The following NRP1 variants were observed in gnomAD, a reference collection of about 807,000 sequenced individuals.
The protein encoded by NRP1 is neuropilin 1, also known as neuropilin-1.
A neutral mutation model predicts 106.7 loss-of-function variants in NRP1; 35 were observed. The observed-to-expected ratio is 0.33, with a 90% CI of 0.25 to 0.43. The LOEUF (loss-of-function observed/expected upper bound fraction) is 0.43. Among genes scored for constraint, NRP1 ranks in the 20% least tolerant of loss-of-function variants. NRP1 has a pLI of 1.00. For missense variants in NRP1, 1,024 were observed against 1,170.4 expected (o/e 0.87, Z 1.83); for synonymous variants, 437 against 417.9 (o/e 1.05, Z -0.56).
chr10:33,205,985 T>C (rs1016069058), intron 10 of NRP1: 1 of 242,158 alleles, frequency 4.1e-6, no homozygotes, highest in Non-Finnish European at 8.5e-6. Context: ...CTCCTAAAGT[T>C]AGTTTGGCCT....
rs1406719701 is a variant in NRP1 at position 33,177,716 on chromosome 10, C to T, written c.*2360G>A. ...ATAATTTCTGTAAAAAAAATCTGCACAAAATCTTATGATGGTACAAAACAT... is the reference window on the plus strand; with the variant it reads ...ATAATTTCTGTAAAAAAAATCTGCATAAAATCTTATGATGGTACAAAACAT... On this transcript the variant is annotated 3_prime_UTR_variant, in exon 17 of 17. Coordinates refer to ENST00000374867, the MANE Select transcript of NRP1 (RefSeq NM_003873.7). 6.6e-6 allele frequency: 1 copy of T among 152,414 alleles called. No homozygotes were observed. Among genetic ancestry groups the T allele is most frequent in the Admixed American group, 6.6e-5 (1 of 15,262 alleles). The allele number at this position is 152,414 out of a possible 1,614,324, so 9.4% of individuals were successfully genotyped here. A position where few individuals can be genotyped will look rare whatever the true frequency, so the allele number is the denominator to read the frequency against.
chr10:33,221,543 G>C (rs1472850888), intron 8 of NRP1, among the ~76,000 whole-genome samples, 176 bp downstream of exon 8: 1 of 152,200 alleles, frequency 6.6e-6, no homozygotes, highest in African/African-American at 2.4e-5. Flanking sequence ...CTGCTAGTGA[G>C]TAGTAAGGCA....
intron 7 of NRP1, among the ~76,000 whole-genome samples, chr10:33,222,531 A>G (rs1231464167): frequency 8.8e-6 from 1 of 113,112 alleles, no homozygotes; most frequent in Non-Finnish European, 1.9e-5. Flanking sequence ...TTATTTATTT[A>G]TTTATTTAAG....
chr10:33,261,571 G>A (rs950147288), intron 4 of NRP1, among the ~76,000 whole-genome samples: 3 of 152,132 alleles, frequency 2.0e-5, no homozygotes, highest in Non-Finnish European at 4.4e-5. Context: ...AAAGAGCAAA[G>A]AAGATATTAA....
intron 4 of NRP1, among the ~76,000 whole-genome samples, chr10:33,263,031 T>C (rs989703659): frequency 5.3e-5 from 8 of 152,212 alleles, no homozygotes; most frequent in Admixed American, 3.3e-4. Context: ...TATGAATGCA[T>C]AGGTCAATGA....
rs1217717094 is a variant in NRP1, at chr10:33,221,870, G to A, written c.1138-7C>T. The A allele has an allele frequency of 6.3e-7, 1 of 1,598,196 alleles. No individual in the cohort carries two copies. ...TGGTGTTTCCCTGAAAGAGCTGTAT[G>A]GGGAAAAAAAGTGCCTTTCTTTAGC... On this transcript the variant is annotated splice_polypyrimidine_tract_variant and splice_region_variant and intron_variant, in intron 7 of 16. Transcript: ENST00000374867.
chr10:33,250,559 G>T (rs2269084), intron 6 of NRP1, among the ~76,000 whole-genome samples: 1 of 151,972 alleles, frequency 6.6e-6, no homozygotes, highest in East Asian at 1.9e-4. Flanking sequence ...TCATAAAATA[G>T]GCTTGAAAGT....
At chr10:33,298,429 G>A (rs1189960141) in intron 2 of NRP1, among the ~76,000 whole-genome samples, 1 of 152,174 alleles carries the variant, frequency 6.6e-6, no homozygotes, top group African/African-American at 2.4e-5. Context: ...CAGCCTGGAA[G>A]ACGATGGGCC....
intron 8 of NRP1, 69 bp downstream of exon 8, chr10:33,221,650 G>A (rs1436183686): frequency 6.7e-7 from 1 of 1,490,950 alleles, no homozygotes; most frequent in East Asian, 2.3e-5. Context: ...TGTATTTAAA[G>A]GTTTGCATAA....
intron 4 of NRP1, among the ~76,000 whole-genome samples, chr10:33,261,173 C>A (rs376451998): frequency 2.0e-5 from 3 of 152,066 alleles, no homozygotes; most frequent in African/African-American, 7.2e-5. Context: ...TTAAAACATG[C>A]GTAAATTGCA....
intron 6 of NRP1, among the ~76,000 whole-genome samples, chr10:33,237,573 C>CTTA (rs1840670702): frequency 8.0e-6 from 1 of 125,066 alleles, no homozygotes. Flanking sequence ...TATTTTCCTT[C>CTTA]TTCTTTTTTT....
intron 6 of NRP1, among the ~76,000 whole-genome samples, chr10:33,227,489 T>C (rs1839765415): frequency 6.6e-6 from 1 of 152,192 alleles, no homozygotes; most frequent in African/African-American, 2.4e-5. Context: ...TCCCCACATC[T>C]TCCTGTGGCC....
chr10:33,195,317 A>T (rs1360743908), intron 12 of NRP1: 1 of 354,410 alleles, frequency 2.8e-6, no homozygotes, highest in Non-Finnish European at 5.5e-6. Context: ...TCAGAGGGTT[A>T]GAGCTCTCGC....
intron 6 of NRP1, among the ~76,000 whole-genome samples, chr10:33,241,165 G>A (rs1487925144): frequency 6.6e-6 from 1 of 152,184 alleles, no homozygotes; most frequent in African/African-American, 2.4e-5. Context: ...AACGCCATGT[G>A]TGGAGGTAGA....
At chr10:33,297,633 G>A (rs1234572215) in intron 2 of NRP1, among the ~76,000 whole-genome samples, 2 of 149,060 alleles carry the variant, frequency 1.3e-5, no homozygotes, top group Non-Finnish European at 3.0e-5. Context: ...GTTGCAGTGA[G>A]CTGAGACTGT....
chr10:33,318,212 T>A (rs532663749), intron 2 of NRP1, among the ~76,000 whole-genome samples: 1 of 152,328 alleles, frequency 6.6e-6, no homozygotes, highest in African/African-American at 2.4e-5. Flanking sequence ...GGCAACCTGG[T>A]CACTGTCACA....
At chr10:33,218,892 T>C (rs367984059) in intron 8 of NRP1, among the ~76,000 whole-genome samples, 31 of 152,298 alleles carry the variant, frequency 2.0e-4, no homozygotes, top group African/African-American at 7.5e-4. Flanking sequence ...CAAGCATTTG[T>C]TATGTTCCAG....
chr10:33,226,206 G>C lies in NRP1; in HGVS notation c.1065C>G (p.Val355=). The C allele has an allele frequency of 6.2e-7, 1 of 1,614,152 alleles. No homozygotes were observed. The highest frequency in any genetic ancestry group is 1.1e-5 in the South Asian group (1 of 91,076). The stretch of plus-strand genomic sequence containing the variant: ...AGCTAACGTCGATCTTGTAAGTCTT[G>C]ACATAATATTTCTTCTTGGTTTCTT... ...ISKETKKKYY[V]KTYKIDVSSN... The change falls in exon 7 of 17, where the codon GTC becomes GTG. Residue 355 remains valine (V), a synonymous_variant. Transcript: ENST00000374867.
chr10:33,212,656 T>C (rs1838397075), intron 9 of NRP1: 1 of 152,804 alleles, frequency 6.5e-6, no homozygotes. Flanking sequence ...TTGTATATTA[T>C]ATGTATTTTA....
Sources: allele counts gnomAD v4.1 joint callset (sites outside exome capture counted in the v4.1 genomes callset), GRCh38; gene constraint gnomAD v4.1.1; transcripts MANE v1.5; gene names NCBI Gene and HGNC (gene_info 2026-07-23, HGNC 2026-07-21).